DCUN1D3: variants seen among roughly 807,000 people sequenced by gnomAD.
DCUN1D3 encodes DCN1-like protein 3.
In DCUN1D3, 6 loss-of-function variants were observed where a neutral mutation model predicts 24.8. The ratio of observed to expected loss-of-function variants is 0.24; its 90% CI spans 0.13 to 0.48. DCUN1D3 has a LOEUF of 0.48. DCUN1D3 is among the 20% of genes least tolerant of loss of function. The probability of loss-of-function intolerance (pLI) is 0.99; values close to 1 mark genes in which losing one functional copy is unlikely to be tolerated. For synonymous variants in DCUN1D3, 120 were observed against 144.9 expected (o/e 0.83, Z 1.24); for missense variants, 258 against 379.4 (o/e 0.68, Z 2.66).
intron 1 of DCUN1D3, among the ~76,000 whole-genome samples, chr16:20,871,828 T>C (rs1229826110): frequency 6.6e-6 from 1 of 152,250 alleles, no homozygotes; most frequent in Non-Finnish European, 1.5e-5. Flanking sequence ...TACCCACTTA[T>C]GTGCAAGGGG....
Position 20,862,478 on chromosome 16 carries a change from C to T in DCUN1D3, c.61G>A (p.Asp21Asn). The part of the protein sequence containing the change: ...PSSTLGSKNG[D>N]REPSNKSHSR... ...TGTGACTTGTTGCTGGGCTCACGGT[C>T]TCCATTTTTGCTGCCCAGGGTCGAT... The change falls in exon 2 of 3, where the codon GAC becomes AAC. Residue 21 changes from aspartate to asparagine, a missense_variant. Transcript: ENST00000324344. The T allele has an allele frequency of 6.2e-7, 1 of 1,612,030 alleles. No homozygotes were observed. The highest frequency in any genetic ancestry group is 8.5e-7 in the Non-Finnish European group (1 of 1,180,002).
At chr16:20,878,872 C>T (rs573450755) in intron 1 of DCUN1D3, among the ~76,000 whole-genome samples, 1 of 152,144 alleles carries the variant, frequency 6.6e-6, no homozygotes, top group Non-Finnish European at 1.5e-5. Flanking sequence ...CACATGACTG[C>T]GAGAAAGGCC....
intron 1 of DCUN1D3, among the ~76,000 whole-genome samples, chr16:20,878,136 C>T (rs774554328): frequency 6.6e-6 from 1 of 152,126 alleles, no homozygotes; most frequent in Admixed American, 6.6e-5. Context: ...TGGACTCCCC[C>T]CATTCGAAGC....
In DCUN1D3 at chr16:20,862,254, G is replaced by GCC; in HGVS notation, c.284_285insGG (p.Phe95LeufsTer61). 6.2e-7 allele frequency: 1 copy of GCC among 1,614,198 alleles called. No homozygotes were observed. Among genetic ancestry groups the GCC allele is most frequent in the Non-Finnish European group, 8.5e-7 (1 of 1,180,032 alleles). ...CTTCCCGCTCATCCTTGTAGCGCCT[G>GCC]AACAGTTCTTCCAATCTTTGCAAGG... On this transcript the variant is annotated frameshift_variant, in exon 2 of 3. Coordinates refer to ENST00000324344, the MANE Select transcript of DCUN1D3 (RefSeq NM_173475.4). LOFTEE classifies it high-confidence loss of function.
intron 1 of DCUN1D3, 99 bp from the exon 2 acceptor site, chr16:20,862,742 A>G (rs2081740181): frequency 1.7e-6 from 2 of 1,182,586 alleles, no homozygotes; most frequent in Admixed American, 3.0e-5. Context: ...TATTTCCATG[A>G]GCCAACAACG....
intron 1 of DCUN1D3, 34 bp downstream of exon 1, chr16:20,900,170 C>T (rs1355705784): frequency 7.4e-6 from 1 of 134,742 alleles, no homozygotes; most frequent in East Asian, 2.6e-4. Context: ...GCCCCCCCGC[C>T]TTTTCCTCAA....
chr16:20,894,607 C>A (rs1291341813), intron 1 of DCUN1D3, among the ~76,000 whole-genome samples: 1 of 152,212 alleles, frequency 6.6e-6, no homozygotes, highest in Non-Finnish European at 1.5e-5. Context: ...CCAAGCCTAA[C>A]AATATAGTAC....
intron 1 of DCUN1D3, among the ~76,000 whole-genome samples, chr16:20,895,429 G>GT (rs374403941): frequency 2.0e-5 from 3 of 152,054 alleles, no homozygotes; most frequent in African/African-American, 7.2e-5. Context: ...CACCCAAACT[G>GT]TATTAGGCAT....
At chr16:20,862,759 G>T in intron 1 of DCUN1D3, 116 bp from the exon 2 acceptor site, 1 of 1,012,492 alleles carries the variant, frequency 9.9e-7, no homozygotes, top group Non-Finnish European at 1.4e-6. Flanking sequence ...AACGAACCAT[G>T]GGAGAGACCC....
chr16:20,863,076 G>C (rs2081741926), intron 1 of DCUN1D3, among the ~76,000 whole-genome samples: 1 of 152,162 alleles, frequency 6.6e-6, no homozygotes, highest in Admixed American at 6.5e-5. Flanking sequence ...TTTTAAGTAG[G>C]ATGAGTAGGG....
At chr16:20,881,534 G>A (rs1183752808) in intron 1 of DCUN1D3, among the ~76,000 whole-genome samples, 11 of 151,964 alleles carry the variant, frequency 7.2e-5, no homozygotes, top group Admixed American at 6.6e-4. Flanking sequence ...ATGACCCATA[G>A]CTTGGAAATC....
At chr16:20,887,923 G>A (rs2081874568) in intron 1 of DCUN1D3, among the ~76,000 whole-genome samples, 1 of 152,134 alleles carries the variant, frequency 6.6e-6, no homozygotes, top group Non-Finnish European at 1.5e-5. Flanking sequence ...ACTTATACAG[G>A]CTCCATAGGG....
At chr16:20,865,559 T>G (rs1361849069) in intron 1 of DCUN1D3, among the ~76,000 whole-genome samples, 2 of 152,108 alleles carry the variant, frequency 1.3e-5, no homozygotes, top group African/African-American at 4.8e-5. Context: ...TGAAATTACG[T>G]TGTTAATGAA....
chr16:20,860,087 G>A lies in DCUN1D3; in HGVS notation c.714C>T (p.Ile238=). The part of the protein sequence containing the change: ...LTENPSGIKG[I]SRDTWNMFLN... ...GGAACATGTTCCAAGTGTCCCGGGA[G>A]ATGCCCTTGATCCCCGAGGGGTTCT... is the stretch of plus-strand genomic sequence containing the variant. The change falls in exon 3 of 3, where the codon ATC becomes ATT. Residue 238 remains isoleucine, a synonymous_variant. Transcript: ENST00000324344. This position sits in a 1 kb window ranked among gnomAD's most constrained non-coding sequence, Gnocchi z 4.3. The A allele has an allele frequency of 6.2e-7, 1 of 1,614,262 alleles. No individual in the cohort carries two copies. Among genetic ancestry groups the A allele is most frequent in the Non-Finnish European group, 8.5e-7 (1 of 1,180,048 alleles).
At chr16:20,895,819 G>C (rs1389370316) in intron 1 of DCUN1D3, among the ~76,000 whole-genome samples, 1 of 152,160 alleles carries the variant, frequency 6.6e-6, no homozygotes, top group Non-Finnish European at 1.5e-5. Context: ...GACACAAAGA[G>C]ATAATTTTAA....
intron 1 of DCUN1D3, among the ~76,000 whole-genome samples, chr16:20,878,029 T>A (rs1446211944): frequency 6.6e-6 from 1 of 152,206 alleles, no homozygotes; most frequent in Non-Finnish European, 1.5e-5. Context: ...CTCGAACTCC[T>A]GGGCTCAAGC....
chr16:20,866,101 C>CAT (rs1401862590), intron 1 of DCUN1D3, among the ~76,000 whole-genome samples: 1 of 152,208 alleles, frequency 6.6e-6, no homozygotes, highest in African/African-American at 2.4e-5. Context: ...GCTAGTAAGC[C>CAT]ATAAGTACAA....
chr16:20,860,168 T>C lies in DCUN1D3; in HGVS notation c.633A>G (p.Leu211=). 6.2e-7 allele frequency: 1 copy of C among 1,614,256 alleles called. No individual in the cohort carries two copies. Among genetic ancestry groups the C allele is most frequent in the Non-Finnish European group, 8.5e-7 (1 of 1,180,044 alleles). Reference sequence around the variant, plus strand: ...CCGGAGGATTGTTCTGGGTAAAGACTAGTTTCCACAGGGCAATGGCTATTT... The same window carrying C: ...CCGGAGGATTGTTCTGGGTAAAGACCAGTTTCCACAGGGCAATGGCTATTT... ...HREIAIALWK[L]VFTQNNPPVL... Residue 211 remains leucine (L), a synonymous_variant, in exon 3 of 3, where the codon CTA becomes CTG. Coordinates refer to ENST00000324344, the MANE Select transcript of DCUN1D3 (RefSeq NM_173475.4). The surrounding 1 kb of genome is among the most constrained non-coding windows in gnomAD (Gnocchi z 4.3).
At chr16:20,867,645 T>A (rs754499849) in intron 1 of DCUN1D3, among the ~76,000 whole-genome samples, 1 of 152,224 alleles carries the variant, frequency 6.6e-6, no homozygotes, top group Non-Finnish European at 1.5e-5. Flanking sequence ...TAAAGGTACA[T>A]GGCTTCAGAG....
Sources: allele counts gnomAD v4.1 joint callset (sites outside exome capture counted in the v4.1 genomes callset), GRCh38; gene constraint gnomAD v4.1.1; non-coding constraint Gnocchi (gnomAD v3.1); transcripts MANE v1.5; gene names NCBI Gene and HGNC (gene_info 2026-07-23, HGNC 2026-07-21).